ARL17A: variants seen among roughly 807,000 people sequenced by gnomAD.
ARL17A encodes ARF like GTPase 17A.
At position 46,553,992 on chromosome 17, in the gene ARL17A, G is replaced by A. The variant is rs1264765314; in HGVS notation, c.*3364C>T. Reference sequence around the variant, plus strand: ...TCTCCTTCAAGGCTGATGGAAGGTAGGATATGTGAGTCCTTCCTCTTAAGT... The same window carrying A: ...TCTCCTTCAAGGCTGATGGAAGGTAAGATATGTGAGTCCTTCCTCTTAAGT... On this transcript the variant is annotated 3_prime_UTR_variant, in exon 4 of 4. Coordinates refer to ENST00000336125, the MANE Select transcript of ARL17A (RefSeq NM_001113738.2). 1.1e-5 allele frequency: 11 copies of A among 1,000,258 alleles called. No individual in the cohort carries two copies. The Admixed American group carries it at 5.5e-4, about 50-fold the overall frequency. 62.0% of individuals were successfully genotyped at this position (1,000,258 alleles called of 1,614,324 possible).
At chr17:46,528,484 C>A (rs1332265789), downstream of ARL17A, among the ~76,000 whole-genome samples, 1 of 46,684 alleles carries the variant, frequency 2.1e-5, no homozygotes, top group Non-Finnish European at 4.0e-5. Context: ...CTTTGGGAGG[C>A]CAAGGTGGGT....
At chr17:46,501,193 T>C in the ARL17A span, among the ~76,000 whole-genome samples, 1 of 151,152 alleles carries the variant, frequency 6.6e-6, no homozygotes, top group Non-Finnish European at 1.5e-5. Flanking sequence ...TATTGACTTG[T>C]TTTTGAGACG....
chr17:46,529,171 G>A (rs993720757), intron 4 of ARL17A, among the ~76,000 whole-genome samples: 1 of 137,060 alleles, frequency 7.3e-6, no homozygotes, highest in Non-Finnish European at 1.6e-5. Context: ...TCATCTATCT[G>A]GACCTGTACA....
downstream of ARL17A, among the ~76,000 whole-genome samples, chr17:46,551,088 A>G (rs78814719): frequency 6.7e-6 from 1 of 150,118 alleles, no homozygotes; most frequent in South Asian, 2.1e-4. Context: ...GTGAGGGGGA[A>G]CGTCTCATAC....
chr17:46,574,172 CTTAAAG>C, intron 2 of ARL17A, among the ~76,000 whole-genome samples: 1 of 39,874 alleles, frequency 2.5e-5, no homozygotes, highest in African/African-American at 9.5e-5. Context: ...GCTATTTAAA[CTTAAAG>C]TTAAAATCAA....
intron 3 of ARL17A, among the ~76,000 whole-genome samples, chr17:46,518,912 A>C (rs1790908592): frequency 1.2e-5 from 1 of 86,210 alleles, no homozygotes. Flanking sequence ...TCTAAATTAA[A>C]AATAAACATA....
Position 46,545,509 on chromosome 17 carries a change from G to A in ARL17A, c.260-7083C>T, listed in dbSNP as rs1331078028. Among the ~76,000 whole-genome samples, 63 of 122,204 alleles carry A rather than the reference G, an allele frequency of 5.2e-4. 3 individuals carry two copies. Among genetic ancestry groups the A allele is most frequent in the African/African-American group, 2.1e-3 (52 of 24,844 alleles). 80.2% of individuals were successfully genotyped at this position (122,204 alleles called of 152,430 possible). On this transcript the variant is annotated intron_variant, in intron 3 of 4. Coordinates refer to the ARL17A transcript ENST00000329240. ...AATAATCTGTGGGTTGTTACTTTGA[G>A]TTCAGTGAAGATCCTGTTCTCAAAT...
chr17:46,501,346 T>C, the ARL17A span, among the ~76,000 whole-genome samples: 1 of 151,080 alleles, frequency 6.6e-6, no homozygotes, highest in African/African-American at 2.5e-5. Flanking sequence ...TGGCTAATTT[T>C]TGTATTTTAG....
downstream of ARL17A, chr17:46,548,778 G>C: frequency 6.2e-7 from 1 of 1,611,618 alleles, no homozygotes; most frequent in Non-Finnish European, 8.5e-7. Flanking sequence ...CCCCAAGGGA[G>C]GTGGAACAGC....
chr17:46,502,933 C>A, the ARL17A span, among the ~76,000 whole-genome samples: 1 of 150,556 alleles, frequency 6.6e-6, no homozygotes, highest in South Asian at 2.1e-4. Flanking sequence ...GTCTTCATTG[C>A]CAGGCGTGGT....
In ARL17A at chr17:46,552,930, C is replaced by G. The variant is rs2056933535; in HGVS notation, c.*4426G>C. Among the ~76,000 whole-genome samples the G allele has an allele frequency of 2.8e-5, 4 of 144,070 alleles. No homozygotes were observed. Among genetic ancestry groups the G allele is most frequent in the Admixed American group, 1.4e-4 (2 of 14,582 alleles). 94.5% of individuals were successfully genotyped at this position (144,070 alleles called of 152,430 possible). Reference sequence around the variant, plus strand: ...AATAGCCAGGTGTGGTAGTATGCACCTGTAGTCTCAGCTACTCAAGAGGCT... The same window carrying G: ...AATAGCCAGGTGTGGTAGTATGCACGTGTAGTCTCAGCTACTCAAGAGGCT... On this transcript the variant is annotated 3_prime_UTR_variant, in exon 4 of 4. Transcript: ENST00000336125.
chr17:46,501,547 G>C, the ARL17A span, among the ~76,000 whole-genome samples: 1 of 151,242 alleles, frequency 6.6e-6, no homozygotes, highest in Non-Finnish European at 1.5e-5. Flanking sequence ...ATATAAAGGA[G>C]ACTTTATCAT....
intron 3 of ARL17A, among the ~76,000 whole-genome samples, chr17:46,519,529 G>A (rs1234015900): frequency 1.5e-5 from 2 of 130,982 alleles, no homozygotes; most frequent in African/African-American, 3.3e-5. Flanking sequence ...TGGCATGCTA[G>A]CAATGATCTT....
chr17:46,534,833 C>T (rs1474701511), intron 4 of ARL17A, among the ~76,000 whole-genome samples: 1 of 149,242 alleles, frequency 6.7e-6, no homozygotes, highest in East Asian at 2.0e-4. Flanking sequence ...GGCTGGCCCC[C>T]ACCTCCCTCC....
At chr17:46,573,867 A>G (rs1481069823) in intron 2 of ARL17A, among the ~76,000 whole-genome samples, 1 of 73,454 alleles carries the variant, frequency 1.4e-5, no homozygotes, top group Non-Finnish European at 3.5e-5. Flanking sequence ...TGCCCGGCCT[A>G]TTTATTTATT....
intron 4 of ARL17A, among the ~76,000 whole-genome samples, chr17:46,534,136 C>T (rs963894119): frequency 1.4e-5 from 2 of 146,488 alleles, no homozygotes. Flanking sequence ...ACCTCAGCCT[C>T]CTGGGTAGCT....
rs1160698551 is a variant in ARL17A at position 46,521,120 on chromosome 17, A to G, written c.260-3887T>C. Reference sequence around the variant, plus strand: ...CCTAACTCTTCACTAATTACAAAATAACGATCGCCCCAGCCCTGTTACCAA... The same window carrying G: ...CCTAACTCTTCACTAATTACAAAATGACGATCGCCCCAGCCCTGTTACCAA... On this transcript the variant is annotated intron_variant, in intron 3 of 4. Coordinates refer to the ARL17A transcript ENST00000445552. 2.6e-5 allele frequency among the ~76,000 whole-genome samples: 2 copies of G among 75,712 alleles called. 1 individual carries two copies. The highest frequency in any genetic ancestry group is 7.0e-5 in the Non-Finnish European group (2 of 28,526). The allele number at this position is 75,712 out of a possible 152,430, so 49.7% of individuals were successfully genotyped here.
chr17:46,522,465 G>A (rs1379113194), intron 3 of ARL17A, among the ~76,000 whole-genome samples: 835 of 123,532 alleles, frequency 6.8e-3, no homozygotes, highest in African/African-American at 0.026. Flanking sequence ...GTTTGTTTGA[G>A]ACGGAATCTC....
downstream of ARL17A, among the ~76,000 whole-genome samples, chr17:46,551,073 C>T (rs1471903937): frequency 1.3e-5 from 2 of 150,076 alleles, no homozygotes; most frequent in African/African-American, 5.1e-5. Context: ...TTTTTAAGTT[C>T]ACTGGTGAGG....
Sources: allele counts gnomAD v4.1 joint callset (sites outside exome capture counted in the v4.1 genomes callset), GRCh38; gene constraint gnomAD v4.1.1; transcripts MANE v1.5; gene names NCBI Gene and HGNC (gene_info 2026-07-23, HGNC 2026-07-21).